HMCN1: variants seen among roughly 807,000 people sequenced by gnomAD.
HMCN1 encodes hemicentin-1.
HMCN1 carries 321 observed loss-of-function variants against 625.9 expected under a neutral mutation model. The observed-to-expected ratio is 0.51, with a 90% CI of 0.47 to 0.56. The LOEUF is 0.56. Among genes scored for constraint, HMCN1 ranks in the 20% least tolerant of loss-of-function variants. The pLI is 0.00. For synonymous variants in HMCN1, 2,425 were observed against 2,417.6 expected (o/e 1.00, Z -0.09); for missense variants, 6,588 against 6,887.3 (o/e 0.96, Z 1.54).
At chr1:186,036,169 AT>A (rs960565245) in intron 36 of HMCN1, among the ~76,000 whole-genome samples, 2 of 152,100 alleles carry the variant, frequency 1.3e-5, no homozygotes, top group African/African-American at 4.8e-5. Flanking sequence ...TTATTGTAAC[AT>A]TTTTGTGGGT....
Position 186,186,396 on chromosome 1 carries a change from G to A in HMCN1, c.16415-1487G>A, listed in dbSNP as rs182107985. 8.8e-4 allele frequency among the ~76,000 whole-genome samples: 134 copies of A among 152,206 alleles called. 1 individual carries two copies. The highest frequency in any genetic ancestry group is 1.6e-3 in the Non-Finnish European group (106 of 67,998). On this transcript the variant is annotated intron_variant, in intron 105 of 106. Coordinates refer to ENST00000271588, the MANE Select transcript of HMCN1 (RefSeq NM_031935.3). ...ACAAAAATTAGCCAGGCATGGTGAC[G>A]CATGCCTGTAGTCTCAGCTACTCTG...
intron 1 of HMCN1, among the ~76,000 whole-genome samples, chr1:185,786,949 T>C (rs1242456476): frequency 6.6e-6 from 1 of 152,242 alleles, no homozygotes; most frequent in East Asian, 1.9e-4. Flanking sequence ...ACATGCTTTT[T>C]TGCCTTACTT....
chr1:186,098,781 C>T (rs1221448207), intron 68 of HMCN1, among the ~76,000 whole-genome samples: 1 of 151,988 alleles, frequency 6.6e-6, no homozygotes, highest in Non-Finnish European at 1.5e-5. Context: ...TCTAAATGTT[C>T]AACAATGGAT....
intron 22 of HMCN1, 88 bp from the exon 23 acceptor site, chr1:185,993,094 A>C: frequency 2.3e-6 from 3 of 1,295,082 alleles, no homozygotes; most frequent in African/African-American, 2.9e-5. Flanking sequence ...CTACTTGCAG[A>C]GTAGTAATTT....
At chr1:185,828,096 C>G (rs1303028472) in intron 1 of HMCN1, among the ~76,000 whole-genome samples, 1 of 152,050 alleles carries the variant, frequency 6.6e-6, no homozygotes, top group Non-Finnish European at 1.5e-5. Flanking sequence ...AAAAGTTAAG[C>G]AAGAGGTGTC....
intron 11 of HMCN1, among the ~76,000 whole-genome samples, chr1:185,943,640 G>A (rs2102516263): frequency 6.6e-6 from 1 of 152,264 alleles, no homozygotes; most frequent in Non-Finnish European, 1.5e-5. Flanking sequence ...GCACCTCAAT[G>A]TGTTCAACAG....
chr1:186,044,240 C>T (rs148245684), intron 40 of HMCN1, among the ~76,000 whole-genome samples: 60 of 152,206 alleles, frequency 3.9e-4, no homozygotes, highest in African/African-American at 1.4e-3. Flanking sequence ...TTAACCTTAT[C>T]GAGAGCCAGC....
At chr1:185,922,321 G>A in intron 6 of HMCN1, 58 bp from the exon 7 acceptor site, 1 of 1,602,316 alleles carries the variant, frequency 6.2e-7, no homozygotes. Context: ...GGCGAGGGTT[G>A]CATATGACCA....
intron 11 of HMCN1, among the ~76,000 whole-genome samples, chr1:185,949,773 G>A (rs1668545201): frequency 6.6e-6 from 1 of 151,758 alleles, no homozygotes; most frequent in Non-Finnish European, 1.5e-5. Context: ...AGGTATTTTA[G>A]TTATCTGACT....
chr1:185,772,629 C>T (rs556758309), intron 1 of HMCN1, among the ~76,000 whole-genome samples: 5 of 152,064 alleles, frequency 3.3e-5, no homozygotes, highest in South Asian at 2.1e-4. Context: ...TTTTGGACAT[C>T]GTAGTGGTAA....
chr1:186,119,254 A>T lies in HMCN1; in HGVS notation c.11912A>T (p.Asn3971Ile). Reference sequence around the variant, plus strand: ...GGAAGATACACTTGTGTCGCTAGGAATGCGGCTGGCTCTGCACATCGACAC... The same window carrying T: ...GGAAGATACACTTGTGTCGCTAGGATTGCGGCTGGCTCTGCACATCGACAC... ...HAGRYTCVAR[N>I]AAGSAHRHVT... Residue 3971 changes from asparagine (N) to isoleucine (I), a missense_variant, in exon 78 of 107, where the codon AAT becomes ATT. Transcript: ENST00000271588. The T allele has an allele frequency of 6.2e-7, 1 of 1,614,058 alleles. No homozygotes were observed. The highest frequency in any genetic ancestry group is 8.5e-7 in the Non-Finnish European group (1 of 1,179,916).
intron 1 of HMCN1, among the ~76,000 whole-genome samples, chr1:185,797,396 C>A (rs148123878): frequency 5.4e-4 from 83 of 152,320 alleles, no homozygotes; most frequent in African/African-American, 2.0e-3. Context: ...CCTCAAACCT[C>A]TAGGCTTAAG....
intron 97 of HMCN1, among the ~76,000 whole-genome samples, chr1:186,160,127 C>G (rs910331404): frequency 1.3e-5 from 2 of 151,680 alleles, no homozygotes; most frequent in African/African-American, 4.9e-5. Context: ...CAGAGTTCAA[C>G]TTCTTCCTGG....
At chr1:186,189,114 AAC>A (rs1653551236) in intron 106 of HMCN1, among the ~76,000 whole-genome samples, 1 of 152,190 alleles carries the variant, frequency 6.6e-6, no homozygotes, top group Non-Finnish European at 1.5e-5. Flanking sequence ...TCACCTTTTA[AAC>A]AGTGTTAGGA....
rs771545227 is a variant in HMCN1, at chr1:186,015,241, A to G, written c.4713A>G (p.Thr1571=). The G allele has an allele frequency of 9.0e-5, 146 of 1,613,752 alleles. No homozygotes were observed. The highest frequency in any genetic ancestry group is 1.2e-4 in the Non-Finnish European group (143 of 1,179,774). Residue 1571 remains threonine (T), a synonymous_variant, in exon 31 of 107, where the codon ACA becomes ACG. Coordinates refer to ENST00000271588, the MANE Select transcript of HMCN1 (RefSeq NM_031935.3). ...GCCTTATTAAACTGGAATGTGAAAC[A>G]CGGGGACTTCCAATGCCTGCCATTA... ...INSLIKLECE[T]RGLPMPAITW... is the part of the protein sequence containing the mutation.
chr1:185,762,747 A>C (rs1655594468), intron 1 of HMCN1, among the ~76,000 whole-genome samples: 1 of 152,228 alleles, frequency 6.6e-6, no homozygotes, highest in Non-Finnish European at 1.5e-5. Context: ...CTAAAGGAAA[A>C]AAACACCTTG....
At chr1:186,055,743 T>C (rs967951081) in intron 45 of HMCN1, 69 bp downstream of exon 45, 54 of 1,444,858 alleles carry the variant, frequency 3.7e-5, no homozygotes, top group Non-Finnish European at 5.2e-5. Flanking sequence ...ATGGGAGATA[T>C]AGGCCTCAAG....
At chr1:185,743,618 T>A (rs994310566) in intron 1 of HMCN1, among the ~76,000 whole-genome samples, 2 of 152,226 alleles carry the variant, frequency 1.3e-5, no homozygotes. Context: ...ATGTTGTAAG[T>A]GTTCTCACAA....
At chr1:185,815,235 AC>A (rs1209595782) in intron 1 of HMCN1, among the ~76,000 whole-genome samples, 1 of 150,298 alleles carries the variant, frequency 6.7e-6, no homozygotes, top group Non-Finnish European at 1.5e-5. Context: ...ATATTGTTTG[AC>A]ACAGACTGTG....
Sources: gnomAD v4.1 joint callset for allele counts (sites outside exome capture counted in the v4.1 genomes callset) on GRCh38, gnomAD v4.1.1 for gene constraint, MANE v1.5 for transcripts, NCBI Gene and HGNC (gene_info 2026-07-23, HGNC 2026-07-21) for gene names.